Variants in YTHDC2 observed in about 807,000 individuals in gnomAD.
YTHDC2 encodes YTH N6-methyladenosine RNA binding protein C2.
YTHDC2 carries 45 observed loss-of-function variants against 174.9 expected under a neutral mutation model. The observed-to-expected ratio is 0.26, with a 90% CI of 0.20 to 0.33. YTHDC2 has a LOEUF of 0.33. Among genes scored for constraint, YTHDC2 ranks in the 10% least tolerant of loss-of-function variants. YTHDC2 has a pLI of 1.00. For missense variants in YTHDC2, 1,650 were observed against 1,723.7 expected (o/e 0.96, Z 0.76); for synonymous variants, 657 against 574.5 (o/e 1.14, Z -2.05).
intron 12 of YTHDC2, 128 bp downstream of exon 12, chr5:113,549,148 T>A: frequency 1.4e-6 from 1 of 736,516 alleles, no homozygotes; most frequent in Non-Finnish European, 2.1e-6. Flanking sequence ...TTTGTGATTC[T>A]AAGGAAATTT....
chr5:113,573,432 G>A (rs1194845152), intron 23 of YTHDC2, among the ~76,000 whole-genome samples: 4 of 152,082 alleles, frequency 2.6e-5, no homozygotes, highest in Non-Finnish European at 5.9e-5. Context: ...TGGAGAATCT[G>A]ATGATTTTTT....
intron 19 of YTHDC2, 52 bp downstream of exon 19, chr5:113,563,544 A>C (rs1328220022): frequency 6.6e-7 from 1 of 1,526,632 alleles, no homozygotes; most frequent in South Asian, 1.3e-5. Flanking sequence ...TGAAATTTTA[A>C]ACTAAAAGGA....
chr5:113,515,449 A>G, intron 2 of YTHDC2, 87 bp downstream of exon 2: 2 of 1,092,382 alleles, frequency 1.8e-6, no homozygotes, highest in Non-Finnish European at 2.7e-6. Context: ...TTAAGTACTT[A>G]TTACTGTTTT....
Position 113,567,000 on chromosome 5 carries a change from A to G in YTHDC2, c.2843-92A>G, listed in dbSNP as rs1038647245. ...ATTATCGTGAAATTTGAATATCACA[A>G]AATTTACATGAGTTGTACAAGTTTT... On this transcript the variant is annotated intron_variant, in intron 21 of 29. Coordinates refer to ENST00000161863, the MANE Select transcript of YTHDC2 (RefSeq NM_022828.5). 1.9e-5 allele frequency: 26 copies of G among 1,376,938 alleles called. No individual in the cohort carries two copies. In the Middle Eastern group the frequency reaches 5.5e-4, roughly 29 times the overall value. The allele number at this position is 1,376,938 out of a possible 1,614,324, so 85.3% of individuals were successfully genotyped here. A position where few individuals can be genotyped will look rare whatever the true frequency, so the allele number is the denominator to read the frequency against.
At chr5:113,560,130 G>A (rs920515402) in intron 17 of YTHDC2, among the ~76,000 whole-genome samples, 189 of 152,264 alleles carry the variant, frequency 1.2e-3, no homozygotes, top group Non-Finnish European at 1.9e-4. Flanking sequence ...GAAAGTTTTT[G>A]TGGGAAATCA....
chr5:113,590,955 A>T, intron 26 of YTHDC2, 86 bp from the exon 27 acceptor site: 1 of 1,117,070 alleles, frequency 9.0e-7, no homozygotes, highest in South Asian at 1.6e-5. Context: ...ATTTTGGCTT[A>T]TATGTTTATG....
chr5:113,548,207 T>C (rs1776016649), intron 10 of YTHDC2, among the ~76,000 whole-genome samples: 1 of 152,236 alleles, frequency 6.6e-6, no homozygotes, highest in African/African-American at 2.4e-5. Flanking sequence ...AGGTAATATC[T>C]AGATTTAGGA....
intron 2 of YTHDC2, chr5:113,517,541 T>C: frequency 2.2e-6 from 1 of 455,958 alleles, no homozygotes; most frequent in Non-Finnish European, 4.4e-6. Context: ...GAGACAAAAA[T>C]GGGGAATGCG....
chr5:113,526,451 C>A, intron 3 of YTHDC2, 135 bp from the exon 4 acceptor site: 2 of 614,976 alleles, frequency 3.3e-6, no homozygotes, highest in Non-Finnish European at 5.2e-6. Flanking sequence ...GAGAAGAAAA[C>A]ATTTGAAAGG....
In YTHDC2 at chr5:113,581,405, G is replaced by C; in HGVS notation, c.3355-12G>C. ...GATATTCATTTGCTTGTATCTATTT[G>C]AACTATTACAGGCAGCTAGTTTATT... On this transcript the variant is annotated splice_polypyrimidine_tract_variant and intron_variant, in intron 24 of 29. Transcript: ENST00000161863. 6.4e-7 allele frequency: 1 copy of C among 1,568,670 alleles called. No individual in the cohort carries two copies. Among genetic ancestry groups the C allele is most frequent in the Non-Finnish European group, 8.6e-7 (1 of 1,160,438 alleles).
At chr5:113,538,924 A>G (rs941146754) in intron 7 of YTHDC2, 150 bp from the exon 8 acceptor site, 2 of 429,242 alleles carry the variant, frequency 4.7e-6, no homozygotes, top group East Asian at 8.9e-5. Flanking sequence ...AGTCAAAGTT[A>G]TAGTTAAAGG....
intron 4 of YTHDC2, 33 bp downstream of exon 4, chr5:113,526,818 AAAAAAAAAATAT>A: frequency 2.3e-6 from 1 of 431,280 alleles, no homozygotes; most frequent in East Asian, 7.3e-5. Context: ...ATAGAAAAAA[AAAAAAAAAATAT>A]ATATATATAT....
rs775884460 is a variant in YTHDC2, at chr5:113,549,243, A to G, written c.1688+223A>G. On this transcript the variant is annotated intron_variant, in intron 12 of 29. Transcript: ENST00000161863. ...TCCAATTAAACATGGTAGGTACAAC[A>G]TAAGTATCTCTGCATTTTCTCAAAC... Among the ~76,000 whole-genome samples the G allele has an allele frequency of 2.4e-4, 37 of 152,206 alleles. No individual in the cohort carries two copies. Among genetic ancestry groups the G allele is most frequent in the Non-Finnish European group, 4.6e-4 (31 of 68,030 alleles).
chr5:113,576,896 A>G (rs941789089), intron 23 of YTHDC2, among the ~76,000 whole-genome samples: 7 of 152,098 alleles, frequency 4.6e-5, no homozygotes, highest in African/African-American at 7.2e-5. Context: ...CTTTTCCTAT[A>G]CTATTCACTT....
At chr5:113,566,096 A>G in intron 21 of YTHDC2, 77 bp downstream of exon 21, 1 of 1,375,350 alleles carries the variant, frequency 7.3e-7, no homozygotes, top group Non-Finnish European at 9.7e-7. Context: ...TTCTTATGTT[A>G]ACTGATGCCA....
chr5:113,522,264 T>A (rs1761372971), intron 2 of YTHDC2, among the ~76,000 whole-genome samples: 1 of 152,028 alleles, frequency 6.6e-6, no homozygotes, highest in Non-Finnish European at 1.5e-5. Flanking sequence ...TTCTTAGATT[T>A]ACAAGTAGGG....
intron 18 of YTHDC2, among the ~76,000 whole-genome samples, chr5:113,561,723 T>G (rs1776988874): frequency 6.6e-6 from 1 of 152,064 alleles, no homozygotes; most frequent in African/African-American, 2.4e-5. Flanking sequence ...CGCCTCAGCC[T>G]CCCAAAGTGC....
chr5:113,561,268 T>A, intron 18 of YTHDC2, 83 bp downstream of exon 18: 1 of 1,014,026 alleles, frequency 9.9e-7, no homozygotes, highest in Non-Finnish European at 1.4e-6. Flanking sequence ...ATTAGGCCTT[T>A]AAAAAATCAA....
chr5:113,546,200 C>A (rs1775877732), intron 10 of YTHDC2, among the ~76,000 whole-genome samples: 1 of 152,134 alleles, frequency 6.6e-6, no homozygotes, highest in African/African-American at 2.4e-5. Flanking sequence ...ATTCTGAAAA[C>A]AGTGACTTTA....
Sources: allele counts gnomAD v4.1 joint callset (sites outside exome capture counted in the v4.1 genomes callset), GRCh38; gene constraint gnomAD v4.1.1; transcripts MANE v1.5; gene names NCBI Gene and HGNC (gene_info 2026-07-23, HGNC 2026-07-21).